Variants in TSKU observed in about 807,000 individuals in gnomAD.
TSKU encodes the protein tsukushi.
TSKU carries 4 observed loss-of-function variants against 11.2 expected under a neutral mutation model. That is an observed-to-expected ratio of 0.36 (90% CI 0.18 to 0.82). The LOEUF is 0.82. Among genes scored for constraint, TSKU ranks in the 40% least tolerant of loss-of-function variants. The pLI, the probability that TSKU is intolerant of heterozygous loss-of-function variation, is 0.50. For synonymous variants in TSKU, 220 were observed against 232.2 expected (o/e 0.95, Z 0.48); for missense variants, 407 against 482.5 (o/e 0.84, Z 1.47).
At chr11:76,791,037 T>C (rs1944363864) in intron 1 of TSKU, among the ~76,000 whole-genome samples, 1 of 152,296 alleles carries the variant, frequency 6.6e-6, no homozygotes, top group South Asian at 2.1e-4. Context: ...AATGAGGAAC[T>C]TGTTGGGAAC....
At chr11:76,786,905 T>C (rs1447291923) in intron 1 of TSKU, among the ~76,000 whole-genome samples, 2 of 152,226 alleles carry the variant, frequency 1.3e-5, no homozygotes, top group East Asian at 1.9e-4. Flanking sequence ...CTGGGATGAA[T>C]TGTGGATTCT....
rs1361930345 is a variant in TSKU, at chr11:76,797,655, A to T, written c.*977A>T. The T allele has an allele frequency of 6.0e-6, 1 of 167,076 alleles. No individual in the cohort carries two copies. The allele number at this position is 167,076 out of a possible 1,614,324, so 10.3% of individuals were successfully genotyped here. On this transcript the variant is annotated 3_prime_UTR_variant, in exon 2 of 2. Transcript: ENST00000333090. ...CCCCAAGGAGTTGCTGCAGTTCTGG[A>T]GCCTCATCTGGCTGGGATCTCCAAG...
intron 1 of TSKU, among the ~76,000 whole-genome samples, chr11:76,791,348 C>A (rs1048448321): frequency 2.6e-5 from 4 of 152,202 alleles, no homozygotes; most frequent in Admixed American, 2.6e-4. Context: ...GCATAACTTG[C>A]AGCTGAATGT....
chr11:76,791,783 A>G (rs1441734353), intron 1 of TSKU: 1 of 152,206 alleles, frequency 6.6e-6, no homozygotes, highest in Admixed American at 6.5e-5. Flanking sequence ...AGGTTTGGGA[A>G]CCTCTGCCTA....
chr11:76,790,531 A>C (rs79775319), intron 1 of TSKU, among the ~76,000 whole-genome samples: 262 of 150,012 alleles, frequency 1.7e-3, no homozygotes, highest in African/African-American at 6.4e-3. Context: ...GCTGTGCCCC[A>C]CCCAAATCTG....
At chr11:76,786,322 T>G (rs566834790) in intron 1 of TSKU, among the ~76,000 whole-genome samples, 11 of 152,362 alleles carry the variant, frequency 7.2e-5, no homozygotes, top group African/African-American at 2.6e-4. Context: ...ACAGGATGGG[T>G]GGCCTTTCCT....
rs200396135 is a variant in TSKU at position 76,796,747 on chromosome 11, T to G, written c.*69T>G. 8.0e-6 allele frequency: 10 copies of G among 1,256,000 alleles called. No individual in the cohort carries two copies. The South Asian group carries it at 1.4e-4, about 17-fold the overall frequency. 77.8% of individuals were successfully genotyped at this position (1,256,000 alleles called of 1,614,324 possible). ...GCTGCCTCAGGTCCCGAGTAACTTATGTTCAATGTGCCAACACCAGTGGGG... is the reference window on the plus strand; with the variant it reads ...GCTGCCTCAGGTCCCGAGTAACTTAGGTTCAATGTGCCAACACCAGTGGGG... On this transcript the variant is annotated 3_prime_UTR_variant, in exon 2 of 2. Coordinates refer to ENST00000333090, the MANE Select transcript of TSKU (RefSeq NM_015516.4). The surrounding 1 kb of genome is among the most constrained non-coding windows in gnomAD (Gnocchi z 4.1).
At chr11:76,789,418 G>A (rs1944343002) in intron 1 of TSKU, among the ~76,000 whole-genome samples, 1 of 152,200 alleles carries the variant, frequency 6.6e-6, no homozygotes, top group African/African-American at 2.4e-5. Flanking sequence ...CTGTTTTAGA[G>A]GTGTCTCATA....
intron 1 of TSKU, among the ~76,000 whole-genome samples, chr11:76,786,475 A>G (rs2134386395): frequency 6.6e-6 from 1 of 152,310 alleles, no homozygotes; most frequent in Middle Eastern, 3.4e-3. Flanking sequence ...TGGCTCTAGA[A>G]GAGTCACAGG....
intron 1 of TSKU, among the ~76,000 whole-genome samples, chr11:76,786,392 T>C (rs943760144): frequency 2.6e-5 from 4 of 152,168 alleles, no homozygotes; most frequent in East Asian, 1.9e-4. Flanking sequence ...TTGAATGAAA[T>C]GTGTGAGAGT....
upstream of TSKU, chr11:76,783,303 C>G (rs1279872747): frequency 1.3e-5 from 2 of 150,100 alleles, no homozygotes; most frequent in African/African-American, 4.9e-5. Context: ...GGGCGGGGAC[C>G]GGGGGGCGGG....
intron 1 of TSKU, among the ~76,000 whole-genome samples, chr11:76,791,589 G>A (rs1944371216): frequency 6.6e-6 from 1 of 152,246 alleles, no homozygotes; most frequent in African/African-American, 2.4e-5. Flanking sequence ...GAGGGTGCAA[G>A]CCCCAAGACT....
intron 1 of TSKU, among the ~76,000 whole-genome samples, chr11:76,783,976 A>G (rs1944275120): frequency 6.6e-6 from 1 of 151,736 alleles, no homozygotes; most frequent in African/African-American, 2.4e-5. Flanking sequence ...TCCTCGGGCA[A>G]CAGCCCCAGT....
intron 1 of TSKU, among the ~76,000 whole-genome samples, chr11:76,786,606 C>T (rs1944314739): frequency 6.6e-6 from 1 of 152,106 alleles, no homozygotes; most frequent in East Asian, 1.9e-4. Flanking sequence ...GGAGTCAGGC[C>T]AGGAGCGAGG....
In TSKU at chr11:76,795,871, G is replaced by T. The variant is rs376211704; in HGVS notation, c.255G>T (p.Thr85=). 3.7e-6 allele frequency: 6 copies of T among 1,613,762 alleles called. No individual in the cohort carries two copies. The South Asian group carries it at 6.6e-5, about 18-fold the overall frequency. Residue 85 remains threonine, a synonymous_variant, in exon 2 of 2, where the codon ACG becomes ACT. Coordinates refer to ENST00000333090, the MANE Select transcript of TSKU (RefSeq NM_015516.4). The stretch of plus-strand genomic sequence containing the variant: ...TGTTGGCGGGGCCGGGCTACACGAC[G>T]TTGGCTGGCCTGGATCTCAGCCACA... ...ESVLAGPGYT[T]LAGLDLSHNL...
chr11:76,783,821 C>T (rs1421416800), intron 1 of TSKU, among the ~76,000 whole-genome samples: 2 of 152,128 alleles, frequency 1.3e-5, no homozygotes, highest in Non-Finnish European at 2.9e-5. Context: ...TCGCGTGTCT[C>T]CGCGTACGTG....
At chr11:76,788,700 G>A (rs1944335773) in intron 1 of TSKU, among the ~76,000 whole-genome samples, 1 of 152,194 alleles carries the variant, frequency 6.6e-6, no homozygotes, top group African/African-American at 2.4e-5. Flanking sequence ...ACTTACCCAA[G>A]GCTGGTAGGT....
intron 1 of TSKU, among the ~76,000 whole-genome samples, chr11:76,785,279 A>G (rs1196761034): frequency 6.6e-6 from 1 of 152,226 alleles, no homozygotes; most frequent in Non-Finnish European, 1.5e-5. Flanking sequence ...CTTCTTAATC[A>G]TAACTCCTGG....
Position 76,796,146 on chromosome 11 carries a change from C to G in TSKU, c.530C>G (p.Thr177Arg). The change falls in exon 2 of 2, where the codon ACG becomes AGG. Residue 177 changes from threonine to arginine, a missense_variant. Physicochemically the swap from Thr to Arg is moderately conservative, Grantham distance 71. Coordinates refer to ENST00000333090, the MANE Select transcript of TSKU (RefSeq NM_015516.4). This position sits in a 1 kb window ranked among gnomAD's most constrained non-coding sequence, Gnocchi z 4.1. Reference protein sequence around the residue: ...NLIHRLVPHPTRAGLPAPTIQ... With the variant: ...NLIHRLVPHPRRAGLPAPTIQ... ...ATTCACCGCCTCGTGCCCCACCCCA[C>G]GAGGGCCGGCCTGCCTGCGCCCACC... 6.2e-7 allele frequency: 1 copy of G among 1,613,694 alleles called. No individual in the cohort carries two copies. Among genetic ancestry groups the G allele is most frequent in the African/African-American group, 1.3e-5 (1 of 75,046 alleles).
Sources: gnomAD v4.1 joint callset for allele counts (sites outside exome capture counted in the v4.1 genomes callset) on GRCh38, gnomAD v4.1.1 for gene constraint, Gnocchi (gnomAD v3.1) non-coding constraint, MANE v1.5 for transcripts, NCBI Gene and HGNC (gene_info 2026-07-23, HGNC 2026-07-21) for gene names.